The following MPDZ variants were observed in gnomAD, a reference collection of about 807,000 sequenced individuals.
The protein encoded by MPDZ is multiple PDZ domain crumbs cell polarity complex component, also known as multiple PDZ domain protein.
Under a neutral mutation model 239.1 loss-of-function variants are expected in MPDZ, and 234 were observed. The ratio of observed to expected loss-of-function variants is 0.98; its 90% CI spans 0.88 to 1.09. The LOEUF is 1.09. Among genes scored for constraint, MPDZ ranks in the 50% least tolerant of loss-of-function variants. The pLI is 0.00. For synonymous variants in MPDZ, 1,048 were observed against 881.3 expected, an observed-to-expected ratio of 1.19 and a Z score of -3.35; for missense variants, 3,175 against 2,510.0, an observed-to-expected ratio of 1.26 and a Z score of -5.66.
At chr9:13,249,521 T>C (rs1478800769) in intron 2 of MPDZ, among the ~76,000 whole-genome samples, 1 of 151,994 alleles carries the variant, frequency 6.6e-6, no homozygotes, top group Non-Finnish European at 1.5e-5. Context: ...CAAAAACAAG[T>C]CCTTCTCCCG....
At chr9:13,260,981 T>C (rs1258851275) in intron 1 of MPDZ, among the ~76,000 whole-genome samples, 1 of 152,160 alleles carries the variant, frequency 6.6e-6, no homozygotes, top group African/African-American at 2.4e-5. Flanking sequence ...CTTCCAACCA[T>C]AACCAAGGGA....
At chr9:13,195,007 G>C (rs1389115696) in intron 13 of MPDZ, among the ~76,000 whole-genome samples, 2 of 152,084 alleles carry the variant, frequency 1.3e-5, no homozygotes, top group Non-Finnish European at 2.9e-5. Flanking sequence ...AAAGATTATA[G>C]CAAGGTGCAG....
At chr9:13,154,348 C>A (rs537897479) in intron 24 of MPDZ, among the ~76,000 whole-genome samples, 1 of 151,984 alleles carries the variant, frequency 6.6e-6, no homozygotes, top group African/African-American at 2.4e-5. Flanking sequence ...AAAAGGCAGC[C>A]TATTTGAGTT....
intron 19 of MPDZ, among the ~76,000 whole-genome samples, chr9:13,179,796 T>C (rs2134338166): frequency 1.3e-5 from 2 of 152,300 alleles, no homozygotes; most frequent in Middle Eastern, 6.8e-3. Context: ...GCGCAATGCA[T>C]AAATTAAGGT....
chr9:13,257,679 C>A (rs1969762088), intron 1 of MPDZ, among the ~76,000 whole-genome samples: 1 of 152,140 alleles, frequency 6.6e-6, no homozygotes, highest in Non-Finnish European at 1.5e-5. Context: ...CTGAAGGACA[C>A]TGAGATAATC....
chr9:13,266,362 C>G (rs1971790365), intron 1 of MPDZ, among the ~76,000 whole-genome samples: 2 of 152,172 alleles, frequency 1.3e-5, no homozygotes, highest in Admixed American at 1.3e-4. Flanking sequence ...AGTGGTTTGA[C>G]TCCTGTTGGT....
chr9:13,244,170 C>T (rs1413891999), intron 3 of MPDZ, among the ~76,000 whole-genome samples: 1 of 152,104 alleles, frequency 6.6e-6, no homozygotes, highest in Non-Finnish European at 1.5e-5. Flanking sequence ...TAAGGCAACG[C>T]AATTAATTAA....
At chr9:13,168,235 C>A in intron 22 of MPDZ, 131 bp downstream of exon 22, 1 of 812,258 alleles carries the variant, frequency 1.2e-6, no homozygotes, top group Non-Finnish European at 2.0e-6. Context: ...TAGTCAATTT[C>A]TTGAGTGATT....
chr9:13,122,022 AG>A, intron 37 of MPDZ, 64 bp downstream of exon 37: 1 of 1,602,290 alleles, frequency 6.2e-7, no homozygotes, highest in Non-Finnish European at 8.5e-7. Flanking sequence ...AAGCAAAGAA[AG>A]AAACACTCCC....
At chr9:13,231,295 G>C (rs1039370949) in intron 3 of MPDZ, among the ~76,000 whole-genome samples, 1 of 152,204 alleles carries the variant, frequency 6.6e-6, no homozygotes, top group Non-Finnish European at 1.5e-5. Flanking sequence ...GCCAGGTGCA[G>C]TGGCTCACAC....
rs952080012 is a variant in MPDZ at position 13,192,403 on chromosome 9, T to A, written c.1804-108A>T. The A allele has an allele frequency of 3.2e-6, 3 of 949,668 alleles. No homozygotes were observed. In the African/African-American group the frequency reaches 4.9e-5, roughly 16 times the overall value. The allele number at this position is 949,668 out of a possible 1,614,324, so 58.8% of individuals were successfully genotyped here. A position where few individuals can be genotyped will look rare whatever the true frequency, so the allele number is the denominator to read the frequency against. On this transcript the variant is annotated intron_variant, in intron 14 of 46. Coordinates refer to ENST00000319217, the MANE Select transcript of MPDZ (RefSeq NM_001378778.1). ...AATTTTACTATAGTCATTACCACAG[T>A]TTACTGTGCTCAGAACTATAGTGAG...
chr9:13,186,384 A>G lies in MPDZ; in HGVS notation c.2367T>C (p.Leu789=). The change falls in exon 18 of 47, where the codon CTT becomes CTC. Residue 789 remains leucine, a splice_region_variant and synonymous_variant. Coordinates refer to ENST00000319217, the MANE Select transcript of MPDZ (RefSeq NM_001378778.1). ...VRIGVAKPLP[L]SPEEGYVSAK... is the part of the protein sequence containing the mutation. ...CAGAAACATAACCTTCTTCTGGTGA[A>G]AGCTGCAGGGAAAAAATGGTATTCA... 1 of 1,556,694 alleles carries G rather than the reference A, an allele frequency of 6.4e-7. No individual in the cohort carries two copies. Among genetic ancestry groups the G allele is most frequent in the Non-Finnish European group, 8.7e-7 (1 of 1,145,036 alleles).
In MPDZ at chr9:13,106,901, A is replaced by G. The variant is rs889136025; in HGVS notation, c.*64T>C. ...ACACAGCATAAAAATTGTCAGGACC[A>G]GTGCATTCTCTTTACAGTAGGAGGT... is the stretch of plus-strand genomic sequence containing the variant. On this transcript the variant is annotated 3_prime_UTR_variant, in exon 47 of 47. Coordinates refer to ENST00000319217, the MANE Select transcript of MPDZ (RefSeq NM_001378778.1). 5 of 1,563,772 alleles carry G rather than the reference A, an allele frequency of 3.2e-6. No individual in the cohort carries two copies. Among genetic ancestry groups the G allele is most frequent in the Non-Finnish European group, 4.4e-6 (5 of 1,140,072 alleles).
chr9:13,122,227 C>T, intron 36 of MPDZ, 57 bp from the exon 37 acceptor site: 1 of 1,501,246 alleles, frequency 6.7e-7, no homozygotes, highest in South Asian at 1.1e-5. Flanking sequence ...GAATGGTGAG[C>T]AGAAATGGAG....
Position 13,139,956 on chromosome 9 carries a change from C to T in MPDZ, c.4003+31G>A, listed in dbSNP as rs201029900. 793 of 1,612,780 alleles carry T rather than the reference C, an allele frequency of 4.9e-4. 3 individuals are homozygous for T. Among genetic ancestry groups the T allele is most frequent in the Non-Finnish European group, 6.3e-4 (745 of 1,179,052 alleles). On this transcript the variant is annotated intron_variant, in intron 28 of 46. Coordinates refer to ENST00000319217, the MANE Select transcript of MPDZ (RefSeq NM_001378778.1). ...CTCAGAGCTATTTTAATACCTCTTA[C>T]AATTAAATGCATCACAAAAACACAA...
intron 10 of MPDZ, among the ~76,000 whole-genome samples, chr9:13,212,269 G>A (rs1028378837): frequency 6.6e-6 from 1 of 151,946 alleles, no homozygotes; most frequent in Non-Finnish European, 1.5e-5. Context: ...TAGCACAGAA[G>A]AAACTGCTAT....
At chr9:13,226,740 C>T (rs1171751555) in intron 3 of MPDZ, among the ~76,000 whole-genome samples, 2 of 152,110 alleles carry the variant, frequency 1.3e-5, no homozygotes, top group Non-Finnish European at 2.9e-5. Context: ...TGGAGACCGA[C>T]TAGAATGCAA....
At chr9:13,183,296 C>G in intron 19 of MPDZ, 122 bp downstream of exon 19, 1 of 743,954 alleles carries the variant, frequency 1.3e-6, no homozygotes. Context: ...AATAATGAAT[C>G]CACAACTGGA....
At chr9:13,261,063 G>C (rs935522486) in intron 1 of MPDZ, among the ~76,000 whole-genome samples, 4 of 152,202 alleles carry the variant, frequency 2.6e-5, no homozygotes, top group African/African-American at 9.7e-5. Context: ...ATGGACTACA[G>C]TGTCTCTTAA....
Sources: allele counts gnomAD v4.1 joint callset (sites outside exome capture counted in the v4.1 genomes callset), GRCh38; gene constraint gnomAD v4.1.1; transcripts MANE v1.5; gene names NCBI Gene and HGNC (gene_info 2026-07-23, HGNC 2026-07-21).